Variants in KIF26B observed in about 807,000 individuals in gnomAD.
The protein encoded by KIF26B is kinesin family member 26B, also known as kinesin-like protein KIF26B.
A neutral mutation model predicts 151.2 loss-of-function variants in KIF26B; 63 were observed. The observed-to-expected ratio is 0.42, with a 90% CI of 0.34 to 0.51. The LOEUF is 0.51. KIF26B is among the 20% of genes least tolerant of loss of function. The pLI, the probability that KIF26B is intolerant of heterozygous loss-of-function variation, is 0.07. For synonymous variants in KIF26B, 1,357 were observed against 1,262.1 expected (o/e 1.08, Z -1.59); for missense variants, 2,813 against 2,913.6 (o/e 0.97, Z 0.79).
intron 12 of KIF26B, among the ~76,000 whole-genome samples, 167 bp downstream of exon 12, chr1:245,688,974 C>G (rs2044583671): frequency 6.6e-6 from 1 of 151,830 alleles, no homozygotes; most frequent in Non-Finnish European, 1.5e-5. Flanking sequence ...GTCCCGTGCC[C>G]TGGGGAGGGG....
At chr1:245,626,402 G>GGTT (rs140707331) in intron 9 of KIF26B, among the ~76,000 whole-genome samples, 1 of 148,662 alleles carries the variant, frequency 6.7e-6, no homozygotes, top group African/African-American at 2.5e-5. Context: ...TTCATGGTGG[G>GGTT]TTTTTTTTTT....
chr1:245,674,404 G>A (rs1372146026), intron 10 of KIF26B, among the ~76,000 whole-genome samples: 2 of 152,202 alleles, frequency 1.3e-5, no homozygotes, highest in Non-Finnish European at 1.5e-5. Context: ...ATCTGATCCT[G>A]CAGGTGGATC....
intron 2 of KIF26B, among the ~76,000 whole-genome samples, chr1:245,207,585 ATACT>A (rs1669432558): frequency 6.6e-6 from 1 of 152,210 alleles, no homozygotes; most frequent in Non-Finnish European, 1.5e-5. Flanking sequence ...TTTCATCTTC[ATACT>A]CCCTAAGGAC....
At chr1:245,653,192 T>G (rs1055413048) in intron 10 of KIF26B, among the ~76,000 whole-genome samples, 3 of 152,134 alleles carry the variant, frequency 2.0e-5, no homozygotes. Flanking sequence ...AGGCTCACGT[T>G]CACCAGCCTC....
intron 4 of KIF26B, among the ~76,000 whole-genome samples, chr1:245,445,657 A>G (rs1659233826): frequency 6.6e-6 from 1 of 152,234 alleles, no homozygotes; most frequent in South Asian, 2.1e-4. Context: ...CATAGTGTAT[A>G]CTCACAGATC....
intron 2 of KIF26B, among the ~76,000 whole-genome samples, chr1:245,188,902 A>G (rs576572022): frequency 6.6e-6 from 1 of 152,354 alleles, no homozygotes; most frequent in South Asian, 2.1e-4. Context: ...GAAACAGGCT[A>G]CAACATGGAT....
At chr1:245,413,163 C>T (rs558972286) in intron 3 of KIF26B, among the ~76,000 whole-genome samples, 6 of 152,314 alleles carry the variant, frequency 3.9e-5, no homozygotes, top group East Asian at 3.9e-4. Context: ...CGTGTGTTTT[C>T]GGCCACTGCT....
chr1:245,612,722 T>A (rs191537352), intron 9 of KIF26B, among the ~76,000 whole-genome samples: 262 of 152,304 alleles, frequency 1.7e-3, no homozygotes, highest in African/African-American at 6.0e-3. Flanking sequence ...CCATGTTTTT[T>A]AAAATAGCAT....
At chr1:245,510,753 G>A (rs573985817) in intron 4 of KIF26B, among the ~76,000 whole-genome samples, 1 of 151,660 alleles carries the variant, frequency 6.6e-6, no homozygotes, top group Non-Finnish European at 1.5e-5. Flanking sequence ...TTGCATGTGC[G>A]GATTGGCAGG....
intron 4 of KIF26B, among the ~76,000 whole-genome samples, chr1:245,460,677 G>A (rs1391064056): frequency 1.3e-5 from 2 of 152,220 alleles, no homozygotes; most frequent in African/African-American, 2.4e-5. Flanking sequence ...GAAATGCAAC[G>A]ATGACAGATG....
chr1:245,476,314 A>T (rs962860374), intron 4 of KIF26B, among the ~76,000 whole-genome samples: 5 of 151,842 alleles, frequency 3.3e-5, no homozygotes, highest in Non-Finnish European at 5.9e-5. Flanking sequence ...TCCGTGTTCC[A>T]TGATGATTAC....
chr1:245,370,017 A>G, intron 3 of KIF26B, among the ~76,000 whole-genome samples: 1 of 152,224 alleles, frequency 6.6e-6, no homozygotes, highest in East Asian at 1.9e-4. Flanking sequence ...GTTTTAAAAT[A>G]TACCATTTAG....
chr1:245,183,395 GA>G (rs1166442444), intron 2 of KIF26B, among the ~76,000 whole-genome samples: 1 of 152,162 alleles, frequency 6.6e-6, no homozygotes, highest in Non-Finnish European at 1.5e-5. Context: ...TTTACTTCCA[GA>G]TTTTTGTCTT....
chr1:245,504,886 C>G (rs769893507), intron 4 of KIF26B, among the ~76,000 whole-genome samples: 1 of 152,126 alleles, frequency 6.6e-6, no homozygotes, highest in Admixed American at 6.5e-5. Context: ...TCCCTAATTT[C>G]CTATGGAATG....
intron 10 of KIF26B, among the ~76,000 whole-genome samples, chr1:245,680,660 G>A (rs540147035): frequency 1.3e-5 from 2 of 152,276 alleles, no homozygotes; most frequent in South Asian, 4.2e-4. Flanking sequence ...ACAAGACGAC[G>A]GGGAACTTCA....
At chr1:245,521,530 T>G (rs1341055824) in intron 4 of KIF26B, among the ~76,000 whole-genome samples, 4 of 152,166 alleles carry the variant, frequency 2.6e-5, no homozygotes, top group Non-Finnish European at 5.9e-5. Flanking sequence ...GCGCAATCCT[T>G]GAGTATAAGT....
intron 2 of KIF26B, among the ~76,000 whole-genome samples, chr1:245,359,450 G>C (rs911342256): frequency 1.3e-5 from 2 of 152,172 alleles, no homozygotes; most frequent in African/African-American, 4.8e-5. Context: ...CACTCTTGTG[G>C]GAGAAATGAG....
chr1:245,372,960 TAAG>T (rs1477348275), intron 3 of KIF26B, among the ~76,000 whole-genome samples: 1 of 152,194 alleles, frequency 6.6e-6, no homozygotes, highest in Admixed American at 6.5e-5. Flanking sequence ...AGGGAACAAT[TAAG>T]AAGAAGGCGT....
chr1:245,467,434 G>A (rs1485240344), intron 4 of KIF26B, among the ~76,000 whole-genome samples: 1 of 152,080 alleles, frequency 6.6e-6, no homozygotes, highest in Non-Finnish European at 1.5e-5. Flanking sequence ...TGGAGAAAAG[G>A]GTCTTCTTCT....
Sources: allele counts gnomAD v4.1 joint callset (sites outside exome capture counted in the v4.1 genomes callset), GRCh38; gene constraint gnomAD v4.1.1; transcripts MANE v1.5; gene names NCBI Gene and HGNC (gene_info 2026-07-23, HGNC 2026-07-21).